The following DONSON variants were observed in gnomAD, a reference collection of about 807,000 sequenced individuals.
DONSON encodes protein downstream neighbor of Son.
In DONSON, 43 loss-of-function variants were observed where a neutral mutation model predicts 62.1. The observed-to-expected ratio is 0.69, with a 90% CI of 0.54 to 0.89. DONSON has a LOEUF of 0.89. Among genes scored for constraint, DONSON ranks in the 40% least tolerant of loss-of-function variants. The pLI is 0.00. For missense variants in DONSON, 696 were observed against 697.5 expected, an observed-to-expected ratio of 1.00 and a Z score of 0.03; for synonymous variants, 266 against 264.6, an observed-to-expected ratio of 1.01 and a Z score of -0.05.
chr21:33,584,659 C>G lies in DONSON; in HGVS notation c.716G>C (p.Arg239Thr). Residue 239 changes from arginine to threonine, a missense_variant, in exon 4 of 10, where the codon AGA becomes ACA. Transcript: ENST00000303071. ...AGGACTTGTCTTTCCAGCCATTTTT[C>G]TATCAGCTCCAATACGAGGGAACAG... ...LPLFPRIGAD[R>T]KMAGKTSPWS... 6.2e-7 allele frequency: 1 copy of G among 1,613,166 alleles called. No homozygotes were observed. Among genetic ancestry groups the G allele is most frequent in the Non-Finnish European group, 8.5e-7 (1 of 1,179,354 alleles).
At chr21:33,581,225 GT>G (rs930270642) in intron 8 of DONSON, 76 bp downstream of exon 8, 174 of 1,339,946 alleles carry the variant, frequency 1.3e-4, no homozygotes, top group South Asian at 4.0e-4. Flanking sequence ...ATGCTAGGAG[GT>G]TTTTTTTTAA....
At chr21:33,580,506 C>CAAA (rs1193935319) in intron 8 of DONSON, among the ~76,000 whole-genome samples, 3 of 47,620 alleles carry the variant, frequency 6.3e-5, no homozygotes, top group Non-Finnish European at 8.6e-5. Context: ...AAAAAAAAAG[C>CAAA]AGGGCATGGC....
intron 1 of DONSON, 51 bp from the exon 2 acceptor site, chr21:33,587,653 G>A (rs376814386): frequency 3.8e-6 from 5 of 1,307,466 alleles, no homozygotes; most frequent in African/African-American, 1.5e-5. Flanking sequence ...TGAAGTTTGC[G>A]TTAAATATGT....
Position 33,588,330 on chromosome 21 carries a change from G to A in DONSON, c.312C>T (p.Ala104=). The A allele has an allele frequency of 2.3e-6, 3 of 1,290,812 alleles. No homozygotes were observed. Among genetic ancestry groups the A allele is most frequent in the Non-Finnish European group, 2.0e-6 (2 of 1,023,448 alleles). The allele number at this position is 1,290,812 out of a possible 1,614,324, so 80.0% of individuals were successfully genotyped here. A position where few individuals can be genotyped will look rare whatever the true frequency, so the allele number is the denominator to read the frequency against. Reference sequence around the variant, plus strand: ...GCTACAAGACACTCACCGGGACCGGGGCCTCCGGCTGCTCGCGGGCCGGCC... The same window carrying A: ...GCTACAAGACACTCACCGGGACCGGAGCCTCCGGCTGCTCGCGGGCCGGCC... ...PDGPAREQPE[A]PVPFLDSNQE... is the part of the protein sequence containing the mutation. Residue 104 remains alanine, a synonymous_variant, in exon 1 of 10, where the codon GCC becomes GCT. Transcript: ENST00000303071.
intron 9 of DONSON, among the ~76,000 whole-genome samples, 154 bp from the exon 10 acceptor site, chr21:33,578,598 A>G (rs1250493711): frequency 6.6e-6 from 1 of 152,246 alleles, no homozygotes; most frequent in Non-Finnish European, 1.5e-5. Context: ...GTAGTGACAA[A>G]ATCCCAAAAT....
chr21:33,582,997 C>G (rs1029807871), intron 5 of DONSON, among the ~76,000 whole-genome samples: 1 of 151,714 alleles, frequency 6.6e-6, no homozygotes, highest in South Asian at 2.1e-4. Context: ...GTCAGGAGAT[C>G]GAGATCGTCC....
Position 33,578,258 on chromosome 21 carries a change from G to C in DONSON, c.*49C>G. The C allele has an allele frequency of 6.3e-7, 1 of 1,575,510 alleles. No homozygotes were observed. Among genetic ancestry groups the C allele is most frequent in the South Asian group, 1.2e-5 (1 of 85,752 alleles). The stretch of plus-strand genomic sequence containing the variant: ...AACTTCAAGAATCTTGAATTTCCTT[G>C]CTAGAAGGCTTTTTTCCTCAAAGAT... On this transcript the variant is annotated 3_prime_UTR_variant, in exon 10 of 10. Coordinates refer to ENST00000303071, the MANE Select transcript of DONSON (RefSeq NM_017613.4).
At chr21:33,584,412 A>G (rs974513778) in intron 4 of DONSON, among the ~76,000 whole-genome samples, 178 bp downstream of exon 4, 1 of 151,844 alleles carries the variant, frequency 6.6e-6, no homozygotes, top group Non-Finnish European at 1.5e-5. Context: ...AGAATGAGTA[A>G]CAGCTAAAAA....
At chr21:33,583,766 C>T (rs898670515) in intron 4 of DONSON, 100 bp from the exon 5 acceptor site, 2 of 973,466 alleles carry the variant, frequency 2.1e-6, no homozygotes, top group Admixed American at 2.8e-5. Flanking sequence ...AAACACAACA[C>T]AAATATTTTA....
intron 8 of DONSON, among the ~76,000 whole-genome samples, chr21:33,579,859 A>T (rs1272711362): frequency 6.6e-6 from 1 of 152,232 alleles, no homozygotes. Context: ...TTGGAAAAAC[A>T]AAAATTTAAA....
intron 4 of DONSON, among the ~76,000 whole-genome samples, chr21:33,584,021 T>C (rs1447518812): frequency 2.5e-5 from 2 of 81,466 alleles, no homozygotes; most frequent in South Asian, 4.5e-4. Context: ...TGTTTATATA[T>C]ATATATATAT....
At chr21:33,585,829 C>A (rs1409564358) in intron 3 of DONSON, 149 bp downstream of exon 3, 1 of 713,820 alleles carries the variant, frequency 1.4e-6, no homozygotes, top group Non-Finnish European at 2.3e-6. Flanking sequence ...ACCATAAGCA[C>A]CATCTGGGAA....
intron 8 of DONSON, 158 bp from the exon 9 acceptor site, chr21:33,579,720 A>G: frequency 1.8e-6 from 1 of 559,878 alleles, no homozygotes; most frequent in South Asian, 3.0e-5. Flanking sequence ...TTATGTGAGT[A>G]CAAATACTTA....
intron 3 of DONSON, among the ~76,000 whole-genome samples, 155 bp from the exon 4 acceptor site, chr21:33,584,923 T>A (rs913383831): frequency 1.3e-5 from 2 of 152,220 alleles, no homozygotes; most frequent in Non-Finnish European, 2.9e-5. Context: ...ACATAGTTTA[T>A]CCTTATTTGA....
At chr21:33,578,675 T>C (rs1433574893) in intron 9 of DONSON, among the ~76,000 whole-genome samples, 4 of 152,316 alleles carry the variant, frequency 2.6e-5, no homozygotes, top group African/African-American at 9.6e-5. Context: ...ATTCTAACTC[T>C]AAAAACCTTA....
intron 2 of DONSON, among the ~76,000 whole-genome samples, chr21:33,586,531 T>C (rs1244058163): frequency 1.3e-5 from 2 of 152,234 alleles, no homozygotes; most frequent in African/African-American, 4.8e-5. Context: ...TCTGAAACTC[T>C]GCATCCAGGG....
At chr21:33,579,060 C>T (rs1442042999) in intron 9 of DONSON, among the ~76,000 whole-genome samples, 1 of 135,252 alleles carries the variant, frequency 7.4e-6, no homozygotes, top group Non-Finnish European at 1.6e-5. Flanking sequence ...ACTGTTTGAA[C>T]CCAGGAGGCT....
intron 8 of DONSON, among the ~76,000 whole-genome samples, chr21:33,579,876 TC>T (rs1014704832): frequency 4.6e-5 from 7 of 152,182 alleles, no homozygotes; most frequent in Non-Finnish European, 1.0e-4. Context: ...TAAAATCCAT[TC>T]AATTTTATTG....
chr21:33,587,279 T>A (rs1459190731), intron 2 of DONSON: 8 of 818,548 alleles, frequency 9.8e-6, no homozygotes, highest in Admixed American at 6.2e-5. Context: ...AACCCCCACG[T>A]CTATCAGGCC....
Sources: gnomAD v4.1 joint callset for allele counts (sites outside exome capture counted in the v4.1 genomes callset) on GRCh38, gnomAD v4.1.1 for gene constraint, MANE v1.5 for transcripts, NCBI Gene and HGNC (gene_info 2026-07-23, HGNC 2026-07-21) for gene names.